Variants in NPC1 observed in about 807,000 individuals in gnomAD.
The protein encoded by NPC1 is Niemann-Pick C1 protein.
A neutral mutation model predicts 140.4 loss-of-function variants in NPC1; 85 were observed. That is an observed-to-expected ratio of 0.61 (90% CI 0.51 to 0.72). NPC1 has a LOEUF of 0.72. Among genes scored for constraint, NPC1 ranks in the 30% least tolerant of loss-of-function variants. The pLI is 0.00. For synonymous variants in NPC1, 656 were observed against 624.8 expected, an observed-to-expected ratio of 1.05 and a Z score of -0.74; for missense variants, 1,504 against 1,623.8, an observed-to-expected ratio of 0.93 and a Z score of 1.27.
rs1555634683 is a variant in NPC1, at chr18:23,544,950, C to CA, written c.1947+9_1947+10insT. ...ACCTCTAGAACATACACCACCCCCC[C>CA]CCGGCTTACCAGAAGCCTGCGACAG... On this transcript the variant is annotated intron_variant, in intron 12 of 24. Coordinates refer to ENST00000269228, the MANE Select transcript of NPC1 (RefSeq NM_000271.5). The CA allele has an allele frequency of 1.5e-4, 207 of 1,415,992 alleles. 7 individuals are homozygous for CA. The highest frequency in any genetic ancestry group is 1.1e-3 in the African/African-American group (81 of 71,584). 87.7% of individuals were successfully genotyped at this position (1,415,992 alleles called of 1,614,324 possible).
intron 10 of NPC1, 87 bp downstream of exon 10, chr18:23,551,540 T>C (rs554996994): frequency 6.8e-6 from 7 of 1,026,714 alleles, no homozygotes; most frequent in Admixed American, 3.4e-5. Flanking sequence ...GCCCAATTTA[T>C]GAAATCTTCA....
chr18:23,568,808 TAA>T lies in NPC1; in HGVS notation c.463+13_463+14del, dbSNP rs777614426. On this transcript the variant is annotated intron_variant, in intron 4 of 24. Transcript: ENST00000269228. The stretch of plus-strand genomic sequence containing the variant: ...ATGCCAGCTGTAAAAGAGGAATAAT[TAA>T]AAGTTTACTTACCATTGGCAAAACT... 1.3e-5 allele frequency: 21 copies of T among 1,607,652 alleles called. No individual in the cohort carries two copies. The highest frequency in any genetic ancestry group is 5.3e-5 in the African/African-American group (4 of 74,786).
downstream of NPC1, among the ~76,000 whole-genome samples, chr18:23,524,752 G>C (rs1355983048): frequency 6.6e-6 from 1 of 151,654 alleles, no homozygotes; most frequent in East Asian, 1.9e-4. Flanking sequence ...TCCACCCCAG[G>C]GTGGATGGAA....
At chr18:23,543,678 A>G in intron 13 of NPC1, 109 bp from the exon 14 acceptor site, 1 of 702,794 alleles carries the variant, frequency 1.4e-6, no homozygotes, top group Non-Finnish European at 2.5e-6. Context: ...TTAGTAGACG[A>G]TTAGCAGTGT....
intron 24 of NPC1, chr18:23,533,066 G>A (rs1053211070): frequency 3.3e-5 from 23 of 705,076 alleles, no homozygotes; most frequent in Admixed American, 8.0e-5. Flanking sequence ...GAGCTGCCCT[G>A]CCTGCTGACA....
intron 1 of NPC1, among the ~76,000 whole-genome samples, chr18:23,573,779 ATTGC>A (rs1275914681): frequency 6.6e-6 from 1 of 152,228 alleles, no homozygotes; most frequent in Non-Finnish European, 1.5e-5. Context: ...GGTAATGGAA[ATTGC>A]TTATTTACAT....
At chr18:23,562,745 G>A (rs1294452979) in intron 4 of NPC1, among the ~76,000 whole-genome samples, 3 of 151,950 alleles carry the variant, frequency 2.0e-5, no homozygotes, top group Non-Finnish European at 4.4e-5. Flanking sequence ...CCAGTAATTT[G>A]GGAGGCCCTG....
At chr18:23,579,971 CATT>C (rs545488252) in intron 1 of NPC1, among the ~76,000 whole-genome samples, 147 of 152,040 alleles carry the variant, frequency 9.7e-4, no homozygotes, top group Admixed American at 1.6e-3. Flanking sequence ...CATAAGCACA[CATT>C]ATTATCAGAA....
At chr18:23,564,005 T>TTTTTTTTG (rs1555639697) in intron 4 of NPC1, among the ~76,000 whole-genome samples, 68 of 147,998 alleles carry the variant, frequency 4.6e-4, no homozygotes, top group African/African-American at 1.7e-3. Context: ...TTTTTTTTTT[T>TTTTTTTTG]GGAGATGGAG....
chr18:23,516,002 A>T (rs1465876049), intron 3 of NPC1: 5 of 1,614,024 alleles, frequency 3.1e-6, no homozygotes, highest in Non-Finnish European at 4.2e-6. Context: ...TTAGGGTAAG[A>T]GGAAGCCTCC....
At chr18:23,526,740 G>T (rs2058308722), downstream of NPC1, 4 of 1,614,076 alleles carry the variant, frequency 2.5e-6, no homozygotes, top group Non-Finnish European at 3.4e-6. Context: ...AATGCAAGAT[G>T]GTCATCCTGT....
rs781750226 is a variant in NPC1 at position 23,534,430 on chromosome 18, T to C, written c.3591+16A>G. 6.3e-7 allele frequency: 1 copy of C among 1,581,952 alleles called. No homozygotes were observed. Among genetic ancestry groups the C allele is most frequent in the Non-Finnish European group, 8.7e-7 (1 of 1,152,652 alleles). On this transcript the variant is annotated intron_variant, in intron 23 of 24. Coordinates refer to ENST00000269228, the MANE Select transcript of NPC1 (RefSeq NM_000271.5). The stretch of plus-strand genomic sequence containing the variant: ...TGGTGCGACTCTGCCGGCGTGGCCC[T>C]GCTCAGGGTACTCACGGAGCTGCCC...
chr18:23,523,528 T>C (rs1004258725), intron 1 of NPC1, among the ~76,000 whole-genome samples: 2 of 105,792 alleles, frequency 1.9e-5, no homozygotes, highest in South Asian at 3.1e-4. Context: ...CTAGGTAACA[T>C]AGACCTTGTC....
Position 23,583,440 on chromosome 18 carries a change from G to C in NPC1, c.57+2847C>G, listed in dbSNP as rs1652353. Among the ~76,000 whole-genome samples the C allele has an allele frequency of 3.7e-3, 569 of 152,226 alleles. 4 individuals are homozygous for C. Among genetic ancestry groups the C allele is most frequent in the African/African-American group, 0.013 (546 of 41,550 alleles). ...CAGAGGGAAGGCATTCTAGTTAGGG[G>C]AACAGGACAAGAATGTCGTAGATAA... is the stretch of plus-strand genomic sequence containing the variant. On this transcript the variant is annotated intron_variant, in intron 1 of 24. Transcript: ENST00000269228.
chr18:23,511,789 T>C (rs1339605823), intron 3 of NPC1, among the ~76,000 whole-genome samples: 1 of 152,146 alleles, frequency 6.6e-6, no homozygotes, highest in Non-Finnish European at 1.5e-5. Flanking sequence ...TTCCATTTTT[T>C]TGTGATTACA....
intron 1 of NPC1, 25 bp from the exon 2 acceptor site, chr18:23,573,599 A>G: frequency 6.2e-7 from 1 of 1,614,076 alleles, no homozygotes; most frequent in African/African-American, 1.3e-5. Context: ...CACAAACTTC[A>G]GTGTTACCAG....
intron 1 of NPC1, among the ~76,000 whole-genome samples, chr18:23,576,142 T>G (rs572462861): frequency 1.2e-4 from 19 of 152,088 alleles, no homozygotes; most frequent in Non-Finnish European, 2.5e-4. Context: ...GAGAATTGCT[T>G]GAACCCGAGA....
intron 11 of NPC1, among the ~76,000 whole-genome samples, chr18:23,545,991 G>C (rs1391641562): frequency 6.6e-6 from 1 of 152,182 alleles, no homozygotes; most frequent in Non-Finnish European, 1.5e-5. Context: ...GCTTATGCCT[G>C]TAATTCCAGC....
At chr18:23,581,968 C>G (rs1030412980) in intron 1 of NPC1, 9 of 152,190 alleles carry the variant, frequency 5.9e-5, no homozygotes, top group Non-Finnish European at 1.3e-4. Context: ...CAGCACTTTA[C>G]AGTGTATAGA....
Sources: gnomAD v4.1 joint callset for allele counts (sites outside exome capture counted in the v4.1 genomes callset) on GRCh38, gnomAD v4.1.1 for gene constraint, MANE v1.5 for transcripts, NCBI Gene and HGNC (gene_info 2026-07-23, HGNC 2026-07-21) for gene names.